Variants in PLCB4 observed in about 807,000 individuals in gnomAD.
The protein encoded by PLCB4 is 1-phosphatidylinositol 4,5-bisphosphate phosphodiesterase beta-4.
PLCB4 carries 77 observed loss-of-function variants against 178.8 expected under a neutral mutation model. The ratio of observed to expected loss-of-function variants is 0.43; its 90% CI spans 0.36 to 0.52. The LOEUF is 0.52. Ranked by LOEUF, PLCB4 falls within the 20% of genes least tolerant of loss-of-function variation. The pLI is 0.00. For missense variants in PLCB4, 1,024 were observed against 1,453.4 expected (o/e 0.70, Z 4.80); for synonymous variants, 496 against 490.8 (o/e 1.01, Z -0.14).
Position 9,123,433 on chromosome 20 carries a change from T to TA in PLCB4, c.-79+27092dup, listed in dbSNP as rs1555832744. On this transcript the variant is annotated intron_variant, in intron 2 of 39. Transcript: ENST00000378473. ...TGGAAATCTCCTCTTTTTTTTTTTT[T>TA]ATATATATTTCAGCTATTTAATTTT... Among the ~76,000 whole-genome samples the TA allele has an allele frequency of 1.3e-4, 17 of 131,874 alleles. 1 individual carries two copies. In the East Asian group the frequency reaches 2.5e-3, roughly 19 times the overall value. 86.5% of individuals were successfully genotyped at this position (131,874 alleles called of 152,430 possible).
intron 4 of PLCB4, among the ~76,000 whole-genome samples, chr20:9,335,109 A>G (rs898865845): frequency 6.6e-6 from 1 of 152,182 alleles, no homozygotes; most frequent in African/African-American, 2.4e-5. Flanking sequence ...TTTACGATGT[A>G]CTTTTGTACA....
chr20:9,436,237 T>G (rs190407794), intron 29 of PLCB4, among the ~76,000 whole-genome samples: 2 of 152,350 alleles, frequency 1.3e-5, no homozygotes, highest in Admixed American at 1.3e-4. Context: ...ACATTTCTGG[T>G]CTCAAGCATT....
chr20:9,119,499 A>G (rs1397160810), intron 2 of PLCB4, among the ~76,000 whole-genome samples: 1 of 146,226 alleles, frequency 6.8e-6, no homozygotes, highest in Non-Finnish European at 1.5e-5. Context: ...TCTCTCTTAC[A>G]GTGTATAAAG....
At chr20:9,423,981 G>A in intron 28 of PLCB4, 29 bp downstream of exon 28, 1 of 1,325,030 alleles carries the variant, frequency 7.5e-7, no homozygotes, top group Non-Finnish European at 1.1e-6. Flanking sequence ...TACGGAATAT[G>A]ATATAGATGA....
chr20:9,251,346 G>A (rs755832758), intron 3 of PLCB4, among the ~76,000 whole-genome samples: 5 of 152,184 alleles, frequency 3.3e-5, no homozygotes, highest in Non-Finnish European at 5.9e-5. Context: ...TTGATTTTGT[G>A]AAAGGGAATC....
intron 28 of PLCB4, among the ~76,000 whole-genome samples, chr20:9,427,056 C>G (rs1029582339): frequency 2.0e-5 from 3 of 152,124 alleles, no homozygotes; most frequent in African/African-American, 7.2e-5. Flanking sequence ...AAAACACTGT[C>G]TCTACTAAAA....
At chr20:9,108,821 G>A (rs1029180929) in intron 2 of PLCB4, among the ~76,000 whole-genome samples, 3 of 151,366 alleles carry the variant, frequency 2.0e-5, no homozygotes, top group African/African-American at 7.3e-5. Context: ...ATAACATGGG[G>A]GAAAAGCCTA....
At position 9,350,838 on chromosome 20, in the gene PLCB4, G is replaced by A. The variant is rs182889525; in HGVS notation, c.369+11801G>A. 2.0e-3 allele frequency among the ~76,000 whole-genome samples: 312 copies of A among 152,288 alleles called. 1 individual carries two copies. Among genetic ancestry groups the A allele is most frequent in the African/African-American group, 6.4e-3 (268 of 41,564 alleles). On this transcript the variant is annotated intron_variant, in intron 7 of 39. Transcript: ENST00000378473. ...CCTCCCAAAGTGTTGGGTTACAGGC[G>A]TGAGCCACCGTGCACAGCCAGTTGG... is the stretch of plus-strand genomic sequence containing the variant.
intron 25 of PLCB4, among the ~76,000 whole-genome samples, chr20:9,411,844 A>G (rs2039883485): frequency 1.3e-5 from 2 of 152,232 alleles, no homozygotes; most frequent in Admixed American, 6.5e-5. Context: ...AGAGGAATCC[A>G]ATGGAAAACT....
intron 4 of PLCB4, among the ~76,000 whole-genome samples, chr20:9,321,152 A>G (rs1407263256): frequency 6.6e-6 from 1 of 152,222 alleles, no homozygotes; most frequent in Non-Finnish European, 1.5e-5. Flanking sequence ...AGTACTTGAC[A>G]TCAGTCATCT....
intron 25 of PLCB4, among the ~76,000 whole-genome samples, chr20:9,414,995 A>T (rs2040144948): frequency 6.6e-6 from 1 of 152,148 alleles, no homozygotes; most frequent in Admixed American, 6.5e-5. Flanking sequence ...TATTATATAT[A>T]TTGTGGTTCT....
intron 30 of PLCB4, among the ~76,000 whole-genome samples, chr20:9,441,251 T>G (rs1296240089): frequency 6.6e-6 from 1 of 152,090 alleles, no homozygotes; most frequent in East Asian, 1.9e-4. Context: ...TCTGTTCTTT[T>G]GTATGATAGT....
chr20:9,293,489 G>GAGGA (rs55792615), intron 3 of PLCB4, among the ~76,000 whole-genome samples: 96 of 150,516 alleles, frequency 6.4e-4, no homozygotes, highest in Middle Eastern at 3.5e-3. Context: ...AAGAGGACGA[G>GAGGA]AGGAAGGAAG....
intron 4 of PLCB4, among the ~76,000 whole-genome samples, chr20:9,322,561 G>A (rs1409605090): frequency 6.6e-6 from 1 of 152,198 alleles, no homozygotes; most frequent in African/African-American, 2.4e-5. Flanking sequence ...TTCTACTGCA[G>A]AGTTACGCTG....
intron 6 of PLCB4, 77 bp from the exon 7 acceptor site, chr20:9,338,816 GT>G: frequency 9.1e-7 from 1 of 1,101,422 alleles, no homozygotes; most frequent in Non-Finnish European, 1.3e-6. Context: ...ATTAAATGTG[GT>G]TTCTTTTTAC....
intron 2 of PLCB4, among the ~76,000 whole-genome samples, chr20:9,169,235 T>C (rs940506593): frequency 6.6e-5 from 10 of 152,092 alleles, no homozygotes; most frequent in Admixed American, 6.6e-4. Flanking sequence ...AATGTAATAA[T>C]CCAGTTTTGG....
intron 9 of PLCB4, among the ~76,000 whole-genome samples, chr20:9,370,607 T>C (rs1444358609): frequency 6.6e-6 from 1 of 152,092 alleles, no homozygotes; most frequent in African/African-American, 2.4e-5. Context: ...ATTGTTTTTG[T>C]CCAAAAATGT....
intron 2 of PLCB4, among the ~76,000 whole-genome samples, chr20:9,127,357 C>T (rs891218031): frequency 6.6e-6 from 1 of 152,044 alleles, no homozygotes; most frequent in Admixed American, 6.6e-5. Flanking sequence ...TGAAAGCCAC[C>T]TCTGTGATAA....
At chr20:9,418,049 T>A (rs1471846849) in intron 25 of PLCB4, among the ~76,000 whole-genome samples, 1 of 152,192 alleles carries the variant, frequency 6.6e-6, no homozygotes, top group Non-Finnish European at 1.5e-5. Flanking sequence ...TTAGATGAGT[T>A]ATTCTTTATG....
Sources: allele counts gnomAD v4.1 joint callset (sites outside exome capture counted in the v4.1 genomes callset), GRCh38; gene constraint gnomAD v4.1.1; transcripts MANE v1.5; gene names NCBI Gene and HGNC (gene_info 2026-07-23, HGNC 2026-07-21).